Variants in CHCHD7 observed in about 807,000 individuals in gnomAD.
The protein encoded by CHCHD7 is coiled-coil-helix-coiled-coil-helix domain-containing protein 7.
CHCHD7 carries 7 observed loss-of-function variants against 10.5 expected under a neutral mutation model. The observed-to-expected ratio is 0.67, with a 90% confidence interval of 0.38 to 1.25. CHCHD7 has a LOEUF of 1.25. CHCHD7 is among the 50% of genes most tolerant of loss of function. The pLI is 0.02. For synonymous variants in CHCHD7, 40 were observed against 36.0 expected, an observed-to-expected ratio of 1.11 and a Z score of -0.40; for missense variants, 100 against 104.5, an observed-to-expected ratio of 0.96 and a Z score of 0.19.
intron 1 of CHCHD7, chr8:56,213,817 A>G (rs1431044380): frequency 1.3e-5 from 2 of 152,268 alleles, no homozygotes; most frequent in South Asian, 2.1e-4. Flanking sequence ...CATAATGTCA[A>G]CTAAGCAATA....
chr8:56,215,437 G>A (rs149937322), intron 2 of CHCHD7: 3,322 of 152,252 alleles, frequency 0.022, 52 homozygotes, highest in Non-Finnish European at 0.03. Context: ...ATTTTTCCAC[G>A]GATGGGGAAG....
chr8:56,216,099 G>A (rs1041129743), intron 2 of CHCHD7, among the ~76,000 whole-genome samples: 9 of 152,196 alleles, frequency 5.9e-5, no homozygotes, highest in African/African-American at 1.9e-4. Context: ...TCTGATTCTA[G>A]TTGTGCAGTA....
chr8:56,215,568 T>G (rs571905064), intron 2 of CHCHD7: 1 of 152,278 alleles, frequency 6.6e-6, no homozygotes, highest in South Asian at 2.1e-4. Context: ...CTAATAGCAT[T>G]AGATGAGAAT....
intron 3 of CHCHD7, 154 bp downstream of exon 3, chr8:56,216,685 A>G (rs1176531759): frequency 1.2e-6 from 1 of 832,622 alleles, no homozygotes; most frequent in East Asian, 2.6e-5. Context: ...TTTAGCCGTG[A>G]AAGATCCTTG....
chr8:56,211,927 C>T (rs745873910), intron 1 of CHCHD7, 90 bp downstream of exon 1: 15 of 152,542 alleles, frequency 9.8e-5, no homozygotes, highest in Non-Finnish European at 2.1e-4. Flanking sequence ...CCCGAATGCA[C>T]TTCTGCGGCG....
chr8:56,216,019 G>T (rs1813324132), intron 2 of CHCHD7, among the ~76,000 whole-genome samples: 1 of 152,196 alleles, frequency 6.6e-6, no homozygotes, highest in South Asian at 2.1e-4. Context: ...CCAATATTAT[G>T]ATCAAACATT....
rs1476417420 is a variant in CHCHD7, at chr8:56,218,177, G to A, written c.*742G>A. The A allele has an allele frequency of 4.4e-6, 1 of 228,022 alleles. No individual in the cohort carries two copies. Among genetic ancestry groups the A allele is most frequent in the Non-Finnish European group, 8.7e-6 (1 of 115,002 alleles). The allele number at this position is 228,022 out of a possible 1,614,324, so 14.1% of individuals were successfully genotyped here. On this transcript the variant is annotated 3_prime_UTR_variant, in exon 4 of 4. Transcript: ENST00000355315. ...TTTGAACCACAGTAATGGGAAGAAA[G>A]ACAAATGGATTCCCTTAGAAGTAAG...
In CHCHD7 at chr8:56,217,611, T is replaced by G; in HGVS notation, c.*176T>G. On this transcript the variant is annotated 3_prime_UTR_variant, in exon 4 of 4. Coordinates refer to ENST00000355315, the MANE Select transcript of CHCHD7 (RefSeq NM_001011671.3). ...CTTGCTCTCAGTGCCATGCCGATGG[T>G]ATGTTGCTGTTGGCTGTGTTGTGGC... 2.0e-6 allele frequency: 1 copy of G among 504,930 alleles called. No individual in the cohort carries two copies. Among genetic ancestry groups the G allele is most frequent in the Non-Finnish European group, 3.6e-6 (1 of 281,576 alleles). 31.3% of individuals were successfully genotyped at this position (504,930 alleles called of 1,614,324 possible).
intron 2 of CHCHD7, 134 bp from the exon 3 acceptor site, chr8:56,216,299 G>A (rs1813338122): frequency 7.3e-7 from 1 of 1,366,204 alleles, no homozygotes; most frequent in Non-Finnish European, 9.8e-7. Flanking sequence ...GTTTTTATTA[G>A]TCTACCCATC....
intron 2 of CHCHD7, 113 bp from the exon 3 acceptor site, chr8:56,216,320 C>A (rs1436771372): frequency 6.7e-7 from 1 of 1,491,666 alleles, no homozygotes; most frequent in Non-Finnish European, 9.0e-7. Flanking sequence ...AAAATGAACA[C>A]AAATGAACTA....
intron 2 of CHCHD7, 36 bp downstream of exon 2, chr8:56,214,703 G>T: frequency 6.4e-7 from 1 of 1,560,016 alleles, no homozygotes; most frequent in Non-Finnish European, 8.8e-7. Flanking sequence ...TGAGTGTTAA[G>T]TTGGAAAAAC....
Position 56,216,548 on chromosome 8 carries a change from T to C in CHCHD7, c.153+17T>C. 6.2e-7 allele frequency: 1 copy of C among 1,614,044 alleles called. No homozygotes were observed. The highest frequency in any genetic ancestry group is 1.1e-5 in the South Asian group (1 of 91,052). On this transcript the variant is annotated intron_variant, in intron 3 of 3. Coordinates refer to ENST00000355315, the MANE Select transcript of CHCHD7 (RefSeq NM_001011671.3). ...AGATTCTGGGTAAGCCTAGATTGGT[T>C]AGCTTTGTGTTAAAACCCATCTCCT...
At chr8:56,216,923 A>G (rs768327606) in intron 3 of CHCHD7, 51 of 479,186 alleles carry the variant, frequency 1.1e-4, no homozygotes, top group Non-Finnish European at 1.9e-4. Context: ...GGAAGTTAAA[A>G]TGGTCCATTT....
At chr8:56,217,076 T>C (rs1339459420) in intron 3 of CHCHD7, among the ~76,000 whole-genome samples, 1 of 152,254 alleles carries the variant, frequency 6.6e-6, no homozygotes, top group Non-Finnish European at 1.5e-5. Flanking sequence ...CTTTTGTACT[T>C]TGTACTTTGT....
At chr8:56,214,723 T>C in intron 2 of CHCHD7, 56 bp downstream of exon 2, 1 of 1,388,062 alleles carries the variant, frequency 7.2e-7, no homozygotes, top group South Asian at 1.2e-5. Flanking sequence ...CAGGCTGCTC[T>C]AGTTTTGTGG....
At chr8:56,212,008 T>G (rs1203988974) in intron 1 of CHCHD7, 171 bp downstream of exon 1, 2 of 152,822 alleles carry the variant, frequency 1.3e-5, no homozygotes, top group Non-Finnish European at 2.9e-5. Context: ...GCCACACGGG[T>G]CTGTTCGCTC....
Position 56,218,194 on chromosome 8 carries a change from A to G in CHCHD7, c.*759A>G, listed in dbSNP as rs1462360495. The G allele has an allele frequency of 4.4e-6, 1 of 227,444 alleles. No homozygotes were observed. Among genetic ancestry groups the G allele is most frequent in the Non-Finnish European group, 8.7e-6 (1 of 114,662 alleles). The allele number at this position is 227,444 out of a possible 1,614,324, so 14.1% of individuals were successfully genotyped here. A position where few individuals can be genotyped will look rare whatever the true frequency, so the allele number is the denominator to read the frequency against. Reference sequence around the variant, plus strand: ...GGAAGAAAGACAAATGGATTCCCTTAGAAGTAAGATTTCTATTTGCAGGAT... The same window carrying G: ...GGAAGAAAGACAAATGGATTCCCTTGGAAGTAAGATTTCTATTTGCAGGAT... On this transcript the variant is annotated 3_prime_UTR_variant, in exon 4 of 4. Transcript: ENST00000355315.
At chr8:56,213,911 A>G (rs1024487825) in intron 1 of CHCHD7, 6 of 152,216 alleles carry the variant, frequency 3.9e-5, no homozygotes, top group Non-Finnish European at 8.8e-5. Context: ...TGTTTTTGCT[A>G]AAGTTGGACT....
chr8:56,212,894 A>T, intron 1 of CHCHD7: 1 of 1,598,960 alleles, frequency 6.3e-7, no homozygotes, highest in Non-Finnish European at 8.6e-7. Flanking sequence ...AACTGGGTAT[A>T]TGTGATGTTA....
Sources: gnomAD v4.1 joint callset for allele counts (sites outside exome capture counted in the v4.1 genomes callset) on GRCh38, gnomAD v4.1.1 for gene constraint, MANE v1.5 for transcripts, NCBI Gene and HGNC (gene_info 2026-07-23, HGNC 2026-07-21) for gene names.